SNTG2: variants seen among roughly 807,000 people sequenced by gnomAD.
SNTG2 encodes gamma-2-syntrophin.
SNTG2 carries 74 observed loss-of-function variants against 70.9 expected under a neutral mutation model. That is an observed-to-expected ratio of 1.04 (90% CI 0.86 to 1.27). The LOEUF is 1.27. Among genes scored for constraint, SNTG2 ranks in the 50% most tolerant of loss-of-function variants. The pLI is 0.00. For synonymous variants in SNTG2, 278 were observed against 273.8 expected (o/e 1.02, Z -0.15); for missense variants, 717 against 690.7 (o/e 1.04, Z -0.43).
In SNTG2 at chr2:1,098,270, T is replaced by G. The variant is rs1454776248; in HGVS notation, c.267+18T>G. 17 of 1,613,872 alleles carry G rather than the reference T, an allele frequency of 1.1e-5. No homozygotes were observed. The highest frequency in any genetic ancestry group is 1.4e-5 in the Non-Finnish European group (16 of 1,179,858). ...GTATAAAGGTATGGAAATGGTTTTC[T>G]CTATTCCTGCTTTTTATTTTTGAAG... On this transcript the variant is annotated intron_variant, in intron 3 of 16. Coordinates refer to ENST00000308624, the MANE Select transcript of SNTG2 (RefSeq NM_018968.4).
chr2:1,055,138 T>C (rs2148092115), intron 1 of SNTG2, among the ~76,000 whole-genome samples: 1 of 152,318 alleles, frequency 6.6e-6, no homozygotes, highest in South Asian at 2.1e-4. Flanking sequence ...TGCATTCACA[T>C]TGTAGACGTG....
At chr2:1,024,927 T>A (rs1408114740) in intron 1 of SNTG2, among the ~76,000 whole-genome samples, 3 of 152,182 alleles carry the variant, frequency 2.0e-5, no homozygotes, top group African/African-American at 7.2e-5. Flanking sequence ...GTGCACTCTA[T>A]GGGATAATGA....
chr2:961,852 G>A (rs1325062413), intron 1 of SNTG2, among the ~76,000 whole-genome samples: 1 of 152,132 alleles, frequency 6.6e-6, no homozygotes, highest in African/African-American at 2.4e-5. Flanking sequence ...TTCATGTGAA[G>A]CTGCTGAGGC....
At position 1,188,656 on chromosome 2, in the gene SNTG2, CA is replaced by C. The variant is rs547093169; in HGVS notation, c.591+15475del. ...TTTGCCTGAAATACATGAAAAATGT[CA>C]ACTTAAATAGCTACAAAATACATAA... On this transcript the variant is annotated intron_variant, in intron 8 of 16. Transcript: ENST00000308624. Among the ~76,000 whole-genome samples, 225 of 151,902 alleles carry C rather than the reference CA, an allele frequency of 1.5e-3. 8 individuals are homozygous for C. In the South Asian group the frequency reaches 0.046, roughly 31 times the overall value.
chr2:1,336,092 A>T (rs917520454), intron 16 of SNTG2, among the ~76,000 whole-genome samples: 25 of 152,212 alleles, frequency 1.6e-4, no homozygotes, highest in African/African-American at 5.5e-4. Flanking sequence ...GGCATTGGTA[A>T]AGAGATAAAT....
intron 1 of SNTG2, among the ~76,000 whole-genome samples, chr2:1,023,997 T>C (rs537771197): frequency 1.2e-4 from 19 of 152,196 alleles, no homozygotes; most frequent in African/African-American, 4.6e-4. Context: ...AGAACAGGGG[T>C]TGGCGAACCT....
chr2:1,218,058 A>T (rs760580999), intron 9 of SNTG2, among the ~76,000 whole-genome samples: 1 of 151,772 alleles, frequency 6.6e-6, no homozygotes, highest in Admixed American at 6.6e-5. Flanking sequence ...TCAGTTCCCC[A>T]CCTTTGTCAG....
intron 8 of SNTG2, among the ~76,000 whole-genome samples, chr2:1,190,582 G>GTA (rs1318828442): frequency 7.2e-6 from 1 of 138,600 alleles, no homozygotes; most frequent in Non-Finnish European, 1.5e-5. Context: ...GACTGTAAAT[G>GTA]TATATATATA....
intron 1 of SNTG2, among the ~76,000 whole-genome samples, chr2:1,033,855 G>A (rs1429238820): frequency 6.6e-6 from 1 of 152,176 alleles, no homozygotes; most frequent in East Asian, 1.9e-4. Flanking sequence ...AATAACACAT[G>A]AGTGTTTCCA....
chr2:1,154,604 A>C (rs900616433), intron 6 of SNTG2, among the ~76,000 whole-genome samples: 1 of 152,148 alleles, frequency 6.6e-6, no homozygotes, highest in Non-Finnish European at 1.5e-5. Flanking sequence ...GACAGTGACA[A>C]CTTGTCATTG....
At chr2:1,024,240 A>G (rs2148017957) in intron 1 of SNTG2, among the ~76,000 whole-genome samples, 1 of 152,348 alleles carries the variant, frequency 6.6e-6, no homozygotes, top group African/African-American at 2.4e-5. Flanking sequence ...GTGAGGGACC[A>G]ATATGAAGAA....
intron 4 of SNTG2, among the ~76,000 whole-genome samples, chr2:1,124,165 T>C (rs1218630116): frequency 6.6e-6 from 1 of 152,192 alleles, no homozygotes; most frequent in African/African-American, 2.4e-5. Flanking sequence ...GTCATAGATA[T>C]GTTAACCAGC....
chr2:1,311,685 A>G (rs151133837), intron 15 of SNTG2, among the ~76,000 whole-genome samples: 35 of 152,354 alleles, frequency 2.3e-4, no homozygotes, highest in Admixed American at 9.8e-4. Flanking sequence ...ATGCTTCTAA[A>G]TAATTATTTA....
chr2:1,004,133 T>C (rs1015715441), intron 1 of SNTG2, among the ~76,000 whole-genome samples: 3 of 152,216 alleles, frequency 2.0e-5, no homozygotes, highest in African/African-American at 7.2e-5. Context: ...AAAGAAGTTA[T>C]ACCATGTTTT....
At chr2:1,088,615 A>G (rs1041231054) in intron 2 of SNTG2, among the ~76,000 whole-genome samples, 1 of 152,226 alleles carries the variant, frequency 6.6e-6, no homozygotes, top group Admixed American at 6.5e-5. Flanking sequence ...CTGCATTCGG[A>G]GCTTTCATTT....
In SNTG2 at chr2:959,606, C is replaced by A. The variant is rs374303537; in HGVS notation, c.72+8538C>A. 2.0e-5 allele frequency among the ~76,000 whole-genome samples: 3 copies of A among 151,378 alleles called. No homozygotes were observed. In the East Asian group the frequency reaches 5.8e-4, roughly 29 times the overall value. Reference sequence around the variant, plus strand: ...CAGTGGGCTGTGCAAAGTCTCAGGGCGGCCTTTGCTTTACTGGCCTTGGGC... The same window carrying A: ...CAGTGGGCTGTGCAAAGTCTCAGGGAGGCCTTTGCTTTACTGGCCTTGGGC... On this transcript the variant is annotated intron_variant, in intron 1 of 16. Coordinates refer to ENST00000308624, the MANE Select transcript of SNTG2 (RefSeq NM_018968.4).
intron 1 of SNTG2, among the ~76,000 whole-genome samples, chr2:957,910 T>G (rs1248183632): frequency 2.0e-5 from 3 of 152,220 alleles, no homozygotes; most frequent in Non-Finnish European, 1.5e-5. Context: ...AGTGTTGTCA[T>G]AGCAGCCGTG....
At chr2:1,124,871 G>T (rs1365728953) in intron 4 of SNTG2, among the ~76,000 whole-genome samples, 2 of 152,154 alleles carry the variant, frequency 1.3e-5, no homozygotes, top group African/African-American at 4.8e-5. Context: ...GAGGTCCAGT[G>T]CTCAGCATGA....
Position 1,137,642 on chromosome 2 carries a change from T to A in SNTG2, c.346T>A (p.Phe116Ile). 1 of 1,613,054 alleles carries A rather than the reference T, an allele frequency of 6.2e-7. No homozygotes were observed. The highest frequency in any genetic ancestry group is 2.2e-5 in the East Asian group (1 of 44,878). Residue 116 changes from phenylalanine to isoleucine, a missense_variant, in exon 5 of 17, where the codon TTC (phenylalanine) becomes ATC (isoleucine). Phe to Ile is a conservative substitution (Grantham distance 21). Coordinates refer to ENST00000308624, the MANE Select transcript of SNTG2 (RefSeq NM_018968.4). ...TGCAGCTGACCAGACAGGGATGTTG[T>A]TCGTAGGAGATGCTGTTCTCCAGGT... ...DQAADQTGML[F>I]VGDAVLQVNG...
Sources: allele counts gnomAD v4.1 joint callset (sites outside exome capture counted in the v4.1 genomes callset), GRCh38; gene constraint gnomAD v4.1.1; transcripts MANE v1.5; gene names NCBI Gene and HGNC (gene_info 2026-07-23, HGNC 2026-07-21).